TMEM117: variants seen among roughly 807,000 people sequenced by gnomAD.
TMEM117 encodes the protein transmembrane protein 117.
TMEM117 carries 27 observed loss-of-function variants against 52.4 expected under a neutral mutation model. The observed-to-expected ratio is 0.51, with a 90% CI of 0.38 to 0.71. The LOEUF (loss-of-function observed/expected upper bound fraction) is 0.71. TMEM117 is among the 30% of genes least tolerant of loss of function. The pLI, the probability that TMEM117 is intolerant of heterozygous loss-of-function variation, is 0.00. For synonymous variants in TMEM117, 215 were observed against 206.3 expected (o/e 1.04, Z -0.36); for missense variants, 556 against 630.5 (o/e 0.88, Z 1.26).
the TMEM117 span, among the ~76,000 whole-genome samples, chr12:43,825,916 C>T: frequency 6.6e-6 from 1 of 152,192 alleles, no homozygotes. Flanking sequence ...TATTTCAGCC[C>T]TAGTTTCTTG....
rs142429295 is a variant in TMEM117, at chr12:43,864,507, G to A, written c.277+19579G>A. ...CTCGGGGTTTGTGAATGCATCAATCGGCACTCTGTATCTAGCTCAAGGTTT... is the reference window on the plus strand; with the variant it reads ...CTCGGGGTTTGTGAATGCATCAATCAGCACTCTGTATCTAGCTCAAGGTTT... On this transcript the variant is annotated intron_variant, in intron 2 of 7. Coordinates refer to ENST00000266534, the MANE Select transcript of TMEM117 (RefSeq NM_032256.3). 1.9e-3 allele frequency among the ~76,000 whole-genome samples: 288 copies of A among 152,082 alleles called. 3 individuals carry two copies. The highest frequency in any genetic ancestry group is 6.3e-3 in the African/African-American group (263 of 41,500).
intron 3 of TMEM117, among the ~76,000 whole-genome samples, chr12:44,068,016 T>G (rs1375755723): frequency 6.6e-6 from 1 of 152,230 alleles, no homozygotes; most frequent in African/African-American, 2.4e-5. Flanking sequence ...CTTCTTCACC[T>G]GGCACTTTTA....
At chr12:44,331,230 G>T (rs1272193621) in intron 6 of TMEM117, among the ~76,000 whole-genome samples, 2 of 151,104 alleles carry the variant, frequency 1.3e-5, no homozygotes, top group African/African-American at 4.9e-5. Context: ...TTGGCAGCAG[G>T]TGAGCCACCT....
chr12:43,916,149 G>A (rs1364892693), intron 2 of TMEM117, among the ~76,000 whole-genome samples: 1 of 152,182 alleles, frequency 6.6e-6, no homozygotes, highest in African/African-American at 2.4e-5. Flanking sequence ...GAGAATGTTA[G>A]AAGGGGAAAT....
chr12:44,385,150 T>C (rs1019321042), intron 7 of TMEM117, among the ~76,000 whole-genome samples: 3 of 152,186 alleles, frequency 2.0e-5, no homozygotes, highest in African/African-American at 7.2e-5. Flanking sequence ...GCCCATCTGC[T>C]CATTTCCAGC....
intron 5 of TMEM117, among the ~76,000 whole-genome samples, chr12:44,290,285 A>T (rs1487229295): frequency 6.6e-6 from 1 of 152,180 alleles, no homozygotes; most frequent in Non-Finnish European, 1.5e-5. Context: ...TCATATACAA[A>T]AAATCATTGC....
At chr12:44,178,412 G>A (rs1192439610) in intron 4 of TMEM117, among the ~76,000 whole-genome samples, 10 of 151,948 alleles carry the variant, frequency 6.6e-5, no homozygotes, top group Admixed American at 1.3e-4. Context: ...TTTAATAGAC[G>A]TTTTCATCCT....
intron 3 of TMEM117, among the ~76,000 whole-genome samples, chr12:43,973,235 A>G (rs1478994718): frequency 6.6e-6 from 1 of 152,216 alleles, no homozygotes; most frequent in Non-Finnish European, 1.5e-5. Flanking sequence ...CCAGGCTACC[A>G]GAATTTATCT....
intron 4 of TMEM117, among the ~76,000 whole-genome samples, chr12:44,165,075 C>T (rs1469814045): frequency 6.6e-6 from 1 of 152,082 alleles, no homozygotes; most frequent in Admixed American, 6.5e-5. Flanking sequence ...ACCCCCCTGC[C>T]ACCGCCTTCA....
At chr12:44,299,840 G>A in intron 6 of TMEM117, 101 bp downstream of exon 6, 2 of 1,395,396 alleles carry the variant, frequency 1.4e-6, no homozygotes, top group Non-Finnish European at 1.9e-6. Context: ...AATAAGTACA[G>A]CATTTACAGT....
At chr12:43,832,867 G>A (rs1942990758), upstream of TMEM117, among the ~76,000 whole-genome samples, 2 of 152,154 alleles carry the variant, frequency 1.3e-5, no homozygotes. Context: ...TATCTCACAG[G>A]TCTTTAATAC....
chr12:44,032,770 C>T (rs1946652549), intron 3 of TMEM117, among the ~76,000 whole-genome samples: 1 of 152,190 alleles, frequency 6.6e-6, no homozygotes, highest in Non-Finnish European at 1.5e-5. Flanking sequence ...GAGCTCCTCT[C>T]TACCTTGAAT....
At chr12:43,998,012 G>A (rs1234607625) in intron 3 of TMEM117, among the ~76,000 whole-genome samples, 1 of 152,216 alleles carries the variant, frequency 6.6e-6, no homozygotes, top group Non-Finnish European at 1.5e-5. Context: ...TAGGGAGAGG[G>A]AGATAAACAG....
chr12:43,872,498 C>T (rs189800772), intron 2 of TMEM117, among the ~76,000 whole-genome samples: 2 of 152,224 alleles, frequency 1.3e-5, no homozygotes, highest in African/African-American at 2.4e-5. Flanking sequence ...ATCTAATTTG[C>T]TCATTTTTAG....
rs1948395632 is a variant in TMEM117, at chr12:44,130,422, CT to C, written c.411-13100del. 2.0e-5 allele frequency among the ~76,000 whole-genome samples: 3 copies of C among 152,124 alleles called. 1 individual carries two copies. The highest frequency in any genetic ancestry group is 7.2e-5 in the African/African-American group (3 of 41,438). ...ATGTTTTAGGCCCTTTGCTTTCTTA[CT>C]TTGCTAAATAGTTTTACCACTTATA... On this transcript the variant is annotated intron_variant, in intron 3 of 7. Transcript: ENST00000266534.
At chr12:43,984,363 G>A (rs1356476113) in intron 3 of TMEM117, among the ~76,000 whole-genome samples, 3 of 91,920 alleles carry the variant, frequency 3.3e-5, no homozygotes, top group Admixed American at 1.3e-4. Context: ...GTGAGACTCC[G>A]TAACAACAAC....
At chr12:44,377,210 A>T (rs1951954139) in intron 7 of TMEM117, among the ~76,000 whole-genome samples, 1 of 152,206 alleles carries the variant, frequency 6.6e-6, no homozygotes, top group Non-Finnish European at 1.5e-5. Context: ...CATTTCTGCC[A>T]TACTCCATAT....
chr12:43,880,672 G>C (rs946178080), intron 2 of TMEM117, among the ~76,000 whole-genome samples: 3 of 152,174 alleles, frequency 2.0e-5, no homozygotes, highest in African/African-American at 7.2e-5. Flanking sequence ...TTTCCACAGA[G>C]CCAGAGTGGT....
At chr12:43,967,346 A>G (rs183059331) in intron 3 of TMEM117, among the ~76,000 whole-genome samples, 31 of 151,658 alleles carry the variant, frequency 2.0e-4, no homozygotes, top group African/African-American at 7.5e-4. Context: ...CTGGTCTTGA[A>G]CTCCTGGACT....
Sources: gnomAD v4.1 joint callset for allele counts (sites outside exome capture counted in the v4.1 genomes callset) on GRCh38, gnomAD v4.1.1 for gene constraint, MANE v1.5 for transcripts, NCBI Gene and HGNC (gene_info 2026-07-23, HGNC 2026-07-21) for gene names.